ANO2: variants seen among roughly 807,000 people sequenced by gnomAD.
The protein encoded by ANO2 is anoctamin-2.
ANO2 carries 101 observed loss-of-function variants against 124.2 expected under a neutral mutation model. The ratio of observed to expected loss-of-function variants is 0.81; its 90% CI spans 0.69 to 0.96. The LOEUF (loss-of-function observed/expected upper bound fraction) is 0.96, where lower values mean the gene tolerates loss of function less well. Ranked by LOEUF, ANO2 falls within the 40% of genes least tolerant of loss-of-function variation. The pLI, the probability that ANO2 is intolerant of heterozygous loss-of-function variation, is 0.00. For synonymous variants in ANO2, 486 were observed against 482.5 expected (o/e 1.01, Z -0.09); for missense variants, 1,293 against 1,274.5 (o/e 1.01, Z -0.22).
intron 10 of ANO2, among the ~76,000 whole-genome samples, chr12:5,780,522 A>G (rs1344444032): frequency 3.3e-5 from 5 of 152,252 alleles, no homozygotes; most frequent in Admixed American, 6.5e-5. Context: ...AAACAGAGAA[A>G]CTTCCATTAG....
chr12:5,790,109 A>T (rs1276883578), intron 10 of ANO2, among the ~76,000 whole-genome samples: 1 of 152,190 alleles, frequency 6.6e-6, no homozygotes, highest in African/African-American at 2.4e-5. Context: ...ATTCCCACAG[A>T]CAGAACTGCA....
intron 19 of ANO2, among the ~76,000 whole-genome samples, chr12:5,609,436 T>C (rs1483981650): frequency 6.6e-6 from 1 of 152,058 alleles, no homozygotes; most frequent in African/African-American, 2.4e-5. Flanking sequence ...GATGACCCAG[T>C]GTTAGAAGGG....
At chr12:5,667,659 A>G (rs1947795240) in intron 14 of ANO2, among the ~76,000 whole-genome samples, 1 of 152,160 alleles carries the variant, frequency 6.6e-6, no homozygotes, top group South Asian at 2.1e-4. Context: ...CTAGGTATTA[A>G]GCCCAGCATC....
intron 14 of ANO2, among the ~76,000 whole-genome samples, chr12:5,701,078 T>C (rs1167873323): frequency 6.9e-6 from 1 of 144,612 alleles, no homozygotes; most frequent in African/African-American, 2.5e-5. Context: ...AGGATTCTAG[T>C]CATTTTCAAT....
In ANO2 at chr12:5,635,484, G is replaced by T; in HGVS notation, c.1621-137C>A. The T allele has an allele frequency of 2.6e-6, 2 of 772,462 alleles. No individual in the cohort carries two copies. Among genetic ancestry groups the T allele is most frequent in the Non-Finnish European group, 3.7e-6 (2 of 536,054 alleles). 47.9% of individuals were successfully genotyped at this position (772,462 alleles called of 1,614,324 possible). On this transcript the variant is annotated intron_variant, in intron 15 of 24. Coordinates refer to ENST00000682330, the MANE Select transcript of ANO2 (RefSeq NM_001364791.2). This position sits in a 1 kb window ranked among gnomAD's most constrained non-coding sequence, Gnocchi z 5.2. ...TTTTGTTGGGTAACAAGGGATTCCA[G>T]ATATTATTAGTCTGGAATATTTGGG...
At chr12:5,832,041 G>A (rs563069973) in intron 5 of ANO2, among the ~76,000 whole-genome samples, 2 of 152,286 alleles carry the variant, frequency 1.3e-5, no homozygotes, top group East Asian at 3.9e-4. Flanking sequence ...CAGAAACCCA[G>A]AAGCTTCATC....
intron 7 of ANO2, among the ~76,000 whole-genome samples, chr12:5,808,833 C>A (rs1456245534): frequency 6.6e-6 from 1 of 152,164 alleles, no homozygotes; most frequent in Admixed American, 6.5e-5. Flanking sequence ...CTCAGACAAT[C>A]CTCTCCCCTC....
At chr12:5,602,509 C>T (rs1943991641) in intron 19 of ANO2, among the ~76,000 whole-genome samples, 1 of 152,106 alleles carries the variant, frequency 6.6e-6, no homozygotes, top group African/African-American at 2.4e-5. Context: ...CCACTTAGGC[C>T]TCCCAAAGTA....
rs1041855008 is a variant in ANO2 at position 5,900,726 on chromosome 12, C to G, written c.534+20314G>C. Among the ~76,000 whole-genome samples the G allele has an allele frequency of 3.9e-5, 6 of 152,178 alleles. No individual in the cohort carries two copies. Among genetic ancestry groups the G allele is most frequent in the African/African-American group, 1.4e-4 (6 of 41,438 alleles). ...GGGTGGGGCCGGGACAGGAAATGGCCAAGCACACAGCATCTTCCCAACCTC... is the reference window on the plus strand; with the variant it reads ...GGGTGGGGCCGGGACAGGAAATGGCGAAGCACACAGCATCTTCCCAACCTC... On this transcript the variant is annotated intron_variant, in intron 3 of 24. Coordinates refer to ENST00000682330, the MANE Select transcript of ANO2 (RefSeq NM_001364791.2). This position sits in a 1 kb window ranked among gnomAD's most constrained non-coding sequence, Gnocchi z 4.2.
chr12:5,805,907 G>C (rs905507415), intron 9 of ANO2, 145 bp downstream of exon 9: 2 of 736,376 alleles, frequency 2.7e-6, no homozygotes, highest in Admixed American at 6.5e-5. Flanking sequence ...CCAAATACCT[G>C]GGTGGGGGAA....
At chr12:5,632,121 G>A (rs1945748497) in intron 16 of ANO2, among the ~76,000 whole-genome samples, 1 of 152,138 alleles carries the variant, frequency 6.6e-6, no homozygotes, top group South Asian at 2.1e-4. Flanking sequence ...TCAGGGAGCA[G>A]AAGGAGCCAA....
intron 14 of ANO2, among the ~76,000 whole-genome samples, chr12:5,682,357 C>G (rs1988390): frequency 2.9e-5 from 4 of 137,042 alleles, no homozygotes; most frequent in African/African-American, 7.5e-5. Flanking sequence ...CTCTCTCTCT[C>G]TCTGTCTGTC....
intron 17 of ANO2, among the ~76,000 whole-genome samples, chr12:5,614,411 A>G (rs1403304342): frequency 6.6e-6 from 1 of 152,180 alleles, no homozygotes; most frequent in Non-Finnish European, 1.5e-5. Context: ...TACTAGCCCA[A>G]TCTCAGGGCA....
chr12:5,854,385 G>C (rs1955025088), intron 3 of ANO2, among the ~76,000 whole-genome samples: 2 of 128,064 alleles, frequency 1.6e-5, no homozygotes, highest in South Asian at 5.6e-4. Flanking sequence ...CTGGAAGTTT[G>C]GTAGCTTCAG....
Position 5,636,502 on chromosome 12 carries a change from C to CGCAGGACA in ANO2, c.1621-1163_1621-1156dup. Among the ~76,000 whole-genome samples the CGCAGGACA allele has an allele frequency of 6.6e-6, 1 of 152,074 alleles. No individual in the cohort carries two copies. The highest frequency in any genetic ancestry group is 2.1e-4 in the South Asian group (1 of 4,822). ...GAAGCTGTTCAGGTCCTATTTCCTC[C>CGCAGGACA]GCAGGACAGAGAATGGGCACTGGCT... is the stretch of plus-strand genomic sequence containing the variant. On this transcript the variant is annotated intron_variant, in intron 15 of 24. Transcript: ENST00000682330. The surrounding 1 kb of genome is among the most constrained non-coding windows in gnomAD (Gnocchi z 4.6).
chr12:5,665,071 C>A (rs1947632398), intron 14 of ANO2, among the ~76,000 whole-genome samples: 1 of 152,102 alleles, frequency 6.6e-6, no homozygotes, highest in South Asian at 2.1e-4. Flanking sequence ...AACCAATAAC[C>A]CAACCCCTTG....
At chr12:5,914,800 T>C (rs1941283946) in intron 3 of ANO2, among the ~76,000 whole-genome samples, 1 of 152,218 alleles carries the variant, frequency 6.6e-6, no homozygotes, top group Non-Finnish European at 1.5e-5. Context: ...GCTAAAAGTC[T>C]ACAAACATGC....
rs905060586 is a variant in ANO2, at chr12:5,925,930, C to A, written c.23-3126G>T. ...GACCTTCATTGTCACCTATTGCTGA[C>A]GACACTTAAGTTTCACTCTAACTCT... On this transcript the variant is annotated intron_variant, in intron 1 of 24. Coordinates refer to ENST00000682330, the MANE Select transcript of ANO2 (RefSeq NM_001364791.2). The surrounding 1 kb of genome is among the most constrained non-coding windows in gnomAD (Gnocchi z 4.6). 6.6e-6 allele frequency among the ~76,000 whole-genome samples: 1 copy of A among 152,200 alleles called. No individual in the cohort carries two copies. The highest frequency in any genetic ancestry group is 2.4e-5 in the African/African-American group (1 of 41,446).
intron 10 of ANO2, among the ~76,000 whole-genome samples, chr12:5,761,123 G>A (rs1283349969): frequency 2.7e-5 from 4 of 148,432 alleles, no homozygotes; most frequent in African/African-American, 9.9e-5. Flanking sequence ...AGCTTTAAAA[G>A]TTACCCTAGA....
Sources: allele counts gnomAD v4.1 joint callset (sites outside exome capture counted in the v4.1 genomes callset), GRCh38; gene constraint gnomAD v4.1.1; non-coding constraint Gnocchi (gnomAD v3.1); transcripts MANE v1.5; gene names NCBI Gene and HGNC (gene_info 2026-07-23, HGNC 2026-07-21).